Variants in SH3RF1 observed in about 807,000 individuals in gnomAD.
The protein encoded by SH3RF1 is E3 ubiquitin-protein ligase SH3RF1.
Under a neutral mutation model 74.0 loss-of-function variants are expected in SH3RF1, and 32 were observed. That is an observed-to-expected ratio of 0.43 (90% confidence interval 0.33 to 0.58). The LOEUF is 0.58. SH3RF1 is among the 20% of genes least tolerant of loss of function. The probability of loss-of-function intolerance (pLI) is 0.05; values close to 1 mark genes in which losing one functional copy is unlikely to be tolerated. For missense variants in SH3RF1, 954 were observed against 1,130.9 expected (o/e 0.84, Z 2.24); for synonymous variants, 396 against 439.6 (o/e 0.90, Z 1.24).
intron 6 of SH3RF1, among the ~76,000 whole-genome samples, chr4:169,122,766 C>T (rs1042929149): frequency 2.0e-5 from 3 of 152,168 alleles, no homozygotes; most frequent in Non-Finnish European, 2.9e-5. Context: ...ACAAAAAGCC[C>T]AAACAATAGT....
Position 169,200,114 on chromosome 4 carries a change from A to G in SH3RF1, c.394-43435T>C, listed in dbSNP as rs1734884759. 2.0e-5 allele frequency among the ~76,000 whole-genome samples: 3 copies of G among 152,194 alleles called. 1 individual carries two copies. In the South Asian group the frequency reaches 6.2e-4, roughly 32 times the overall value. On this transcript the variant is annotated intron_variant, in intron 2 of 11. Transcript: ENST00000284637. ...GTAAATTTAACAGGAAAGTATACTA[A>G]TTCCATATATTTAAATATCTATTAA...
chr4:169,169,115 C>G (rs1203451362), intron 2 of SH3RF1, among the ~76,000 whole-genome samples: 1 of 152,126 alleles, frequency 6.6e-6, no homozygotes, highest in Non-Finnish European at 1.5e-5. Flanking sequence ...ATTACTGTTA[C>G]TGTTCTTCAA....
intron 2 of SH3RF1, among the ~76,000 whole-genome samples, chr4:169,212,057 CTTTTTTTTTTTTTTT>C (rs34108534): frequency 2.1e-5 from 1 of 48,266 alleles, no homozygotes; most frequent in Non-Finnish European, 3.7e-5. Context: ...CTTTTCTTTT[CTTTTTTTTTTTTTTT>C]TTTTTTTTTG....
At chr4:169,125,610 C>T (rs1343243397) in intron 6 of SH3RF1, among the ~76,000 whole-genome samples, 2 of 152,134 alleles carry the variant, frequency 1.3e-5, no homozygotes, top group African/African-American at 2.4e-5. Context: ...TTGTCTCTTA[C>T]GTGTGTATCT....
chr4:169,255,580 CAT>C (rs765146224), intron 2 of SH3RF1, among the ~76,000 whole-genome samples: 3 of 150,042 alleles, frequency 2.0e-5, no homozygotes, highest in Admixed American at 6.7e-5. Context: ...ACACTACACA[CAT>C]GTGCATATGC....
chr4:169,167,366 G>C (rs1976544), intron 2 of SH3RF1, among the ~76,000 whole-genome samples: 12,458 of 152,204 alleles, frequency 0.082, 1,005 homozygotes, highest in African/African-American at 0.21. Context: ...TAGATTGCTA[G>C]TGGGGGTCTA....
At chr4:169,256,579 A>T (rs7696557) in intron 2 of SH3RF1, among the ~76,000 whole-genome samples, 1,545 of 152,186 alleles carry the variant, frequency 0.01, 33 homozygotes, top group African/African-American at 0.035. Flanking sequence ...ACACACCAAT[A>T]GTCTGTTTTG....
At chr4:169,130,444 T>C (rs1484646654) in intron 5 of SH3RF1, among the ~76,000 whole-genome samples, 2 of 152,148 alleles carry the variant, frequency 1.3e-5, no homozygotes, top group Non-Finnish European at 2.9e-5. Flanking sequence ...CATTGCCTCA[T>C]TTGGTACGCC....
At chr4:169,213,134 C>T (rs147348675) in intron 2 of SH3RF1, among the ~76,000 whole-genome samples, 2 of 152,328 alleles carry the variant, frequency 1.3e-5, no homozygotes, top group African/African-American at 4.8e-5. Flanking sequence ...GTGACTGTAC[C>T]ATTCTGCATT....
chr4:169,103,164 C>G (rs1484848127), intron 11 of SH3RF1, among the ~76,000 whole-genome samples: 1 of 144,002 alleles, frequency 6.9e-6, no homozygotes, highest in African/African-American at 2.6e-5. Flanking sequence ...TCTTGAACTC[C>G]TGACCTCGTG....
intron 5 of SH3RF1, among the ~76,000 whole-genome samples, chr4:169,131,846 T>C (rs1040190897): frequency 2.0e-5 from 3 of 152,202 alleles, no homozygotes; most frequent in African/African-American, 7.2e-5. Context: ...GCCAAGTCTT[T>C]GTTTGCATAG....
At chr4:169,135,072 T>A (rs1277838881) in intron 5 of SH3RF1, among the ~76,000 whole-genome samples, 2 of 152,092 alleles carry the variant, frequency 1.3e-5, no homozygotes, top group Non-Finnish European at 2.9e-5. Context: ...CTGTGGCTCA[T>A]ACTTGTAATC....
chr4:169,244,012 A>G (rs1287899659), intron 2 of SH3RF1, among the ~76,000 whole-genome samples: 1 of 152,220 alleles, frequency 6.6e-6, no homozygotes, highest in African/African-American at 2.4e-5. Flanking sequence ...ACTAAAGAGT[A>G]GTAAATGAGG....
intron 10 of SH3RF1, among the ~76,000 whole-genome samples, chr4:169,108,802 T>C (rs948986057): frequency 6.6e-6 from 1 of 152,236 alleles, no homozygotes; most frequent in Non-Finnish European, 1.5e-5. Context: ...CAGTGCTGTA[T>C]ATACCTCTCT....
chr4:169,096,165 A>G lies in SH3RF1; in HGVS notation c.*354T>C, dbSNP rs1419044574. ...ATTTCTTAAAATCATAATCCAAAGA[A>G]CGTATCTATTATACGAAAAGTTCAA... is the stretch of plus-strand genomic sequence containing the variant. On this transcript the variant is annotated 3_prime_UTR_variant, in exon 12 of 12. Coordinates refer to ENST00000284637, the MANE Select transcript of SH3RF1 (RefSeq NM_020870.4). 5.5e-6 allele frequency: 1 copy of G among 181,788 alleles called. No homozygotes were observed. Among genetic ancestry groups the G allele is most frequent in the Non-Finnish European group, 1.1e-5 (1 of 87,988 alleles). The allele number at this position is 181,788 out of a possible 1,614,324, so 11.3% of individuals were successfully genotyped here. A position where few individuals can be genotyped will look rare whatever the true frequency, so the allele number is the denominator to read the frequency against.
intron 2 of SH3RF1, among the ~76,000 whole-genome samples, chr4:169,221,925 A>C (rs1730570721): frequency 6.6e-6 from 1 of 152,218 alleles, no homozygotes; most frequent in Non-Finnish European, 1.5e-5. Context: ...TAAAGTAATA[A>C]TAGACTATGT....
At position 169,116,842 on chromosome 4, in the gene SH3RF1, C is replaced by A. The variant is rs1173835817; in HGVS notation, c.1778-212G>T. On this transcript the variant is annotated intron_variant, in intron 9 of 11. Transcript: ENST00000284637. ...TGTCCTTCCAGGTCAGCCCTTGAGT[C>A]TACTGAGTGCCTGGAAGCTCAGTTT... Among the ~76,000 whole-genome samples, 60 of 152,184 alleles carry A rather than the reference C, an allele frequency of 3.9e-4. 1 individual carries two copies. The highest frequency in any genetic ancestry group is 3.9e-3 in the Admixed American group (59 of 15,276).
At chr4:169,177,347 A>G (rs961477767) in intron 2 of SH3RF1, among the ~76,000 whole-genome samples, 2 of 152,182 alleles carry the variant, frequency 1.3e-5, no homozygotes, top group African/African-American at 4.8e-5. Context: ...TACACTAGAG[A>G]ATCTTTATAA....
intron 4 of SH3RF1, among the ~76,000 whole-genome samples, chr4:169,148,082 C>A (rs879457515): frequency 1.3e-5 from 2 of 152,062 alleles, no homozygotes; most frequent in Non-Finnish European, 2.9e-5. Flanking sequence ...GAAAATTAAC[C>A]TTTTAGGTGT....
Sources: gnomAD v4.1 joint callset for allele counts (sites outside exome capture counted in the v4.1 genomes callset) on GRCh38, gnomAD v4.1.1 for gene constraint, MANE v1.5 for transcripts, NCBI Gene and HGNC (gene_info 2026-07-23, HGNC 2026-07-21) for gene names.